Variants in SYNPR observed in about 807,000 individuals in gnomAD.
SYNPR encodes synaptoporin.
A neutral mutation model predicts 32.9 loss-of-function variants in SYNPR; 23 were observed. That is an observed-to-expected ratio of 0.70 (90% CI 0.50 to 0.99). The LOEUF (loss-of-function observed/expected upper bound fraction) is 0.99. SYNPR is among the 50% of genes least tolerant of loss of function. SYNPR has a pLI of 0.00. For synonymous variants in SYNPR, 146 were observed against 135.9 expected (o/e 1.07, Z -0.52); for missense variants, 318 against 349.3 (o/e 0.91, Z 0.71).
intron 1 of SYNPR, among the ~76,000 whole-genome samples, chr3:63,232,248 C>T (rs1320702274): frequency 1.7e-5 from 2 of 117,316 alleles, no homozygotes; most frequent in Non-Finnish European, 3.2e-5. Context: ...GTTGTCCAGG[C>T]TGGAGTGCAA....
chr3:63,252,833 G>T (rs2086345393), intron 2 of SYNPR, among the ~76,000 whole-genome samples: 1 of 152,104 alleles, frequency 6.6e-6, no homozygotes, highest in Non-Finnish European at 1.5e-5. Flanking sequence ...CTGAGGTCAG[G>T]AGTTCAAGAC....
chr3:63,571,380 T>A (rs1702882868), intron 4 of SYNPR, among the ~76,000 whole-genome samples: 1 of 152,178 alleles, frequency 6.6e-6, no homozygotes, highest in Non-Finnish European at 1.5e-5. Flanking sequence ...TAGGTATTAA[T>A]CATTGTGTTT....
chr3:63,449,105 G>A (rs1450248367), intron 2 of SYNPR, among the ~76,000 whole-genome samples: 1 of 151,940 alleles, frequency 6.6e-6, no homozygotes, highest in Non-Finnish European at 1.5e-5. Context: ...TATTGGGAGA[G>A]GAAAGAAGGG....
intron 4 of SYNPR, among the ~76,000 whole-genome samples, chr3:63,605,131 A>G (rs548891573): frequency 6.6e-6 from 1 of 152,364 alleles, no homozygotes; most frequent in South Asian, 2.1e-4. Flanking sequence ...GAAGTAGGCA[A>G]ATAAACTGTT....
At chr3:63,342,382 A>T (rs7646836) in intron 2 of SYNPR, among the ~76,000 whole-genome samples, 6,549 of 152,112 alleles carry the variant, frequency 0.043, 414 homozygotes, top group African/African-American at 0.15. Flanking sequence ...TGCTCATATG[A>T]TTTTCTTTCT....
At chr3:63,433,689 C>T (rs1700031338) in intron 2 of SYNPR, among the ~76,000 whole-genome samples, 1 of 152,148 alleles carries the variant, frequency 6.6e-6, no homozygotes, top group Non-Finnish European at 1.5e-5. Flanking sequence ...CCTCCCCTTG[C>T]AGCCCTGAAT....
chr3:63,412,691 A>G (rs983770333), intron 2 of SYNPR, among the ~76,000 whole-genome samples: 2 of 152,154 alleles, frequency 1.3e-5, no homozygotes, highest in African/African-American at 4.8e-5. Context: ...GTTCTTGAGG[A>G]ATCATCAATA....
At chr3:63,256,888 C>G (rs1560170249) in intron 2 of SYNPR, among the ~76,000 whole-genome samples, 1 of 152,170 alleles carries the variant, frequency 6.6e-6, no homozygotes, top group South Asian at 2.1e-4. Flanking sequence ...CCTGATGGAG[C>G]TGAAAACCAC....
chr3:63,432,374 A>G (rs1245676540), intron 2 of SYNPR, among the ~76,000 whole-genome samples: 7 of 152,148 alleles, frequency 4.6e-5, no homozygotes, highest in Non-Finnish European at 1.0e-4. Flanking sequence ...AGTGTTGATG[A>G]ACTGACATGG....
At chr3:63,211,687 TAAG>T in the SYNPR span, among the ~76,000 whole-genome samples, 1 of 148,816 alleles carries the variant, frequency 6.7e-6, no homozygotes. Context: ...AATCAGGTTT[TAAG>T]AAGAAGCTTG....
At chr3:63,491,285 AG>A (rs1388670459) in intron 3 of SYNPR, among the ~76,000 whole-genome samples, 1 of 152,176 alleles carries the variant, frequency 6.6e-6, no homozygotes, top group Non-Finnish European at 1.5e-5. Context: ...AGCTCATGCC[AG>A]GTGGTTCAAT....
upstream of SYNPR, among the ~76,000 whole-genome samples, chr3:63,273,373 C>T (rs2086552163): frequency 6.6e-6 from 1 of 152,118 alleles, no homozygotes; most frequent in Non-Finnish European, 1.5e-5. Context: ...ATGGAAGTAA[C>T]AGTAGTATAT....
At chr3:63,583,677 C>T (rs1400266948) in intron 4 of SYNPR, among the ~76,000 whole-genome samples, 3 of 151,970 alleles carry the variant, frequency 2.0e-5, no homozygotes, top group Admixed American at 6.6e-5. Context: ...TTAATGTAGG[C>T]GGAGATGAGT....
the SYNPR span, among the ~76,000 whole-genome samples, chr3:63,206,943 G>A: frequency 6.6e-6 from 1 of 152,166 alleles, no homozygotes; most frequent in African/African-American, 2.4e-5. Context: ...TGCTCTAATT[G>A]CCTAAAGTAG....
chr3:63,574,746 T>C (rs1223060112), intron 4 of SYNPR, among the ~76,000 whole-genome samples: 1 of 152,084 alleles, frequency 6.6e-6, no homozygotes, highest in Non-Finnish European at 1.5e-5. Context: ...TATACAGAAC[T>C]CAATACATAG....
chr3:63,440,627 G>GC (rs1482747355), intron 2 of SYNPR, among the ~76,000 whole-genome samples: 2 of 152,148 alleles, frequency 1.3e-5, no homozygotes, highest in Non-Finnish European at 2.9e-5. Context: ...AACCCAACCA[G>GC]CAGATTAGAA....
chr3:63,236,149 A>T (rs2086198980), intron 1 of SYNPR, among the ~76,000 whole-genome samples: 1 of 151,070 alleles, frequency 6.6e-6, no homozygotes, highest in Non-Finnish European at 1.5e-5. Context: ...CCTTCAATGC[A>T]TTGCTTTTTT....
chr3:63,556,062 T>C (rs1702590549), intron 3 of SYNPR, among the ~76,000 whole-genome samples: 1 of 151,980 alleles, frequency 6.6e-6, no homozygotes, highest in Admixed American at 6.6e-5. Flanking sequence ...AAGAGAACAG[T>C]CAACAACAAG....
At chr3:63,389,315 G>A (rs773235054) in intron 2 of SYNPR, among the ~76,000 whole-genome samples, 3 of 152,184 alleles carry the variant, frequency 2.0e-5, no homozygotes, top group Non-Finnish European at 4.4e-5. Context: ...AAAAAGTGGG[G>A]AAAGAAGGAA....
Sources: gnomAD v4.1 joint callset for allele counts (sites outside exome capture counted in the v4.1 genomes callset) on GRCh38, gnomAD v4.1.1 for gene constraint, MANE v1.5 for transcripts, NCBI Gene and HGNC (gene_info 2026-07-23, HGNC 2026-07-21) for gene names.